Variants in TSPAN9 observed in about 807,000 individuals in gnomAD.
The protein encoded by TSPAN9 is tetraspanin-9.
TSPAN9 carries 16 observed loss-of-function variants against 31.0 expected under a neutral mutation model. The observed-to-expected ratio is 0.52, with a 90% confidence interval of 0.35 to 0.78. The LOEUF (loss-of-function observed/expected upper bound fraction) is 0.78. Ranked by LOEUF, TSPAN9 falls within the 30% of genes least tolerant of loss-of-function variation. TSPAN9 has a pLI of 0.01. For missense variants in TSPAN9, 272 were observed against 312.5 expected (o/e 0.87, Z 0.98); for synonymous variants, 145 against 121.6 (o/e 1.19, Z -1.27).
At chr12:3,164,473 A>G (rs988722665) in intron 2 of TSPAN9, among the ~76,000 whole-genome samples, 3 of 152,148 alleles carry the variant, frequency 2.0e-5, no homozygotes, top group Middle Eastern at 6.8e-3. Context: ...CTTCCAGCTC[A>G]CTCTGGTCTT....
At chr12:3,207,448 G>T (rs551233834) in intron 3 of TSPAN9, among the ~76,000 whole-genome samples, 1 of 152,202 alleles carries the variant, frequency 6.6e-6, no homozygotes, top group African/African-American at 2.4e-5. Context: ...TAGAAGTGGT[G>T]GGGGGTTGGG....
At chr12:3,152,143 A>G (rs1466189421) in intron 2 of TSPAN9, among the ~76,000 whole-genome samples, 2 of 152,172 alleles carry the variant, frequency 1.3e-5, no homozygotes, top group African/African-American at 4.8e-5. Flanking sequence ...CCAGCTTGGA[A>G]GGAGGTAAGG....
chr12:3,084,565 C>T (rs1453033326), intron 2 of TSPAN9, among the ~76,000 whole-genome samples: 1 of 152,130 alleles, frequency 6.6e-6, no homozygotes, highest in African/African-American at 2.4e-5. Flanking sequence ...CCAGGAACCT[C>T]TTATTGTCCT....
chr12:3,113,175 A>G (rs969389293), intron 2 of TSPAN9, among the ~76,000 whole-genome samples: 2 of 152,232 alleles, frequency 1.3e-5, no homozygotes, highest in Non-Finnish European at 2.9e-5. Context: ...CATCAAGGGA[A>G]TACATGTCTG....
rs918370283 is a variant in TSPAN9 at position 3,086,331 on chromosome 12, T to A, written c.-18+2612T>A. Among the ~76,000 whole-genome samples, 17 of 4,128 alleles carry A rather than the reference T, an allele frequency of 4.1e-3. No homozygotes were observed. In the South Asian group the frequency reaches 0.46, roughly 112 times the overall value. The allele number at this position is 4,128 out of a possible 152,430, so 2.7% of individuals were successfully genotyped here. A position where few individuals can be genotyped will look rare whatever the true frequency, so the allele number is the denominator to read the frequency against. ...CGATACTTTGGAGCCAAATGTAGAT[T>A]TTTTTTTTTTTTTGGCCTATTGTTT... is the stretch of plus-strand genomic sequence containing the variant. On this transcript the variant is annotated intron_variant, in intron 2 of 8. Coordinates refer to ENST00000011898, the MANE Select transcript of TSPAN9 (RefSeq NM_006675.5).
chr12:3,255,199 C>CT (rs1322922134), intron 3 of TSPAN9, among the ~76,000 whole-genome samples: 3 of 152,260 alleles, frequency 2.0e-5, no homozygotes, highest in East Asian at 3.8e-4. Context: ...CGGCCTGACT[C>CT]TGTCTGTCCC....
intron 3 of TSPAN9, among the ~76,000 whole-genome samples, chr12:3,209,848 A>G (rs1185493772): frequency 1.3e-5 from 2 of 150,728 alleles, no homozygotes; most frequent in Non-Finnish European, 2.9e-5. Flanking sequence ...AGTCCCAGCT[A>G]CTCGGGAGGC....
At chr12:3,223,355 C>T (rs1208508936) in intron 3 of TSPAN9, among the ~76,000 whole-genome samples, 1 of 152,154 alleles carries the variant, frequency 6.6e-6, no homozygotes, top group South Asian at 2.1e-4. Flanking sequence ...GGGCAGAGAT[C>T]GTCACGAATG....
At chr12:3,211,038 G>A (rs1056877221) in intron 3 of TSPAN9, among the ~76,000 whole-genome samples, 6 of 152,124 alleles carry the variant, frequency 3.9e-5, no homozygotes, top group South Asian at 2.1e-4. Flanking sequence ...GAGCCACGGC[G>A]CCCTGCTTCA....
At position 3,192,118 on chromosome 12, in the gene TSPAN9, CG is replaced by C. The variant is rs927363085; in HGVS notation, c.-17-9054del. ...TAATGGGTGAGCAGAGAATGTTGGACGGGGGCTGGAGAGAAAGGCAGGGATC... is the reference window on the plus strand; with the variant it reads ...TAATGGGTGAGCAGAGAATGTTGGACGGGGCTGGAGAGAAAGGCAGGGATC... On this transcript the variant is annotated intron_variant, in intron 2 of 8. Transcript: ENST00000011898. This position sits in a 1 kb window ranked among gnomAD's most constrained non-coding sequence, Gnocchi z 4.6. Among the ~76,000 whole-genome samples the C allele has an allele frequency of 5.3e-5, 8 of 151,884 alleles. No homozygotes were observed. The highest frequency in any genetic ancestry group is 2.6e-4 in the Admixed American group (4 of 15,250).
chr12:3,083,629 A>G (rs950333621), intron 1 of TSPAN9, 24 bp from the exon 2 acceptor site: 2 of 152,160 alleles, frequency 1.3e-5, no homozygotes, highest in Non-Finnish European at 2.9e-5. Context: ...CAAAGTGATG[A>G]CCTAATTTTT....
In TSPAN9 at chr12:3,090,536, A is replaced by G. The variant is rs1241838699; in HGVS notation, c.-18+6817A>G. On this transcript the variant is annotated intron_variant, in intron 2 of 8. Coordinates refer to ENST00000011898, the MANE Select transcript of TSPAN9 (RefSeq NM_006675.5). ...AAGGAAACTAGCCTTTCAGGTGAAA[A>G]CAGTCTACAAGACCTCTTAATATCT... is the stretch of plus-strand genomic sequence containing the variant. Among the ~76,000 whole-genome samples the G allele has an allele frequency of 3.3e-5, 5 of 152,236 alleles. No homozygotes were observed. The East Asian group carries it at 9.6e-4, about 29-fold the overall frequency.
chr12:3,258,459 G>T (rs867708022), intron 3 of TSPAN9, among the ~76,000 whole-genome samples: 2 of 152,216 alleles, frequency 1.3e-5, no homozygotes, highest in African/African-American at 2.4e-5. Flanking sequence ...GGAGACCTCA[G>T]TGAATGTCTC....
rs2098323418 is a variant in TSPAN9 at position 3,118,258 on chromosome 12, T to TTTTTTTTTTTTTTG, written c.-18+34552_-18+34553insGTTTTTTTTTTTTT. ...TCCGCACCGCCCCTGCACCCGCCGT[T>TTTTTTTTTTTTTTG]TTTTTTTTTTTTTTTTTTTTTTGAG... On this transcript the variant is annotated intron_variant, in intron 2 of 8. Coordinates refer to ENST00000011898, the MANE Select transcript of TSPAN9 (RefSeq NM_006675.5). 2.3e-4 allele frequency among the ~76,000 whole-genome samples: 12 copies of TTTTTTTTTTTTTTG among 52,998 alleles called. 2 individuals carry two copies. The highest frequency in any genetic ancestry group is 3.8e-4 in the Non-Finnish European group (11 of 29,308). 34.8% of individuals were successfully genotyped at this position (52,998 alleles called of 152,430 possible).
intron 2 of TSPAN9, among the ~76,000 whole-genome samples, chr12:3,185,283 C>T (rs1408204481): frequency 4.6e-5 from 7 of 152,272 alleles, no homozygotes; most frequent in African/African-American, 7.2e-5. Flanking sequence ...TTTCTTTGGC[C>T]TGTGCTTTTG....
At chr12:3,224,222 G>A (rs1012217075) in intron 3 of TSPAN9, among the ~76,000 whole-genome samples, 3 of 152,196 alleles carry the variant, frequency 2.0e-5, no homozygotes, top group African/African-American at 7.2e-5. Context: ...TCTCTGTGTA[G>A]TAGGTGTCAG....
intron 3 of TSPAN9, among the ~76,000 whole-genome samples, chr12:3,272,278 G>C: frequency 6.6e-6 from 1 of 152,148 alleles, no homozygotes; most frequent in East Asian, 1.9e-4. Flanking sequence ...TGGGGAAGAC[G>C]GGGTGAAGAG....
At chr12:3,154,841 T>C (rs904737735) in intron 2 of TSPAN9, among the ~76,000 whole-genome samples, 22 of 152,372 alleles carry the variant, frequency 1.4e-4, no homozygotes, top group African/African-American at 5.3e-4. Context: ...ACTGCCTGCA[T>C]GCCCAGTCAT....
At chr12:3,089,457 T>C (rs999417069) in intron 2 of TSPAN9, among the ~76,000 whole-genome samples, 49 of 151,212 alleles carry the variant, frequency 3.2e-4, no homozygotes, top group Middle Eastern at 3.4e-3. Context: ...CCACCACGCC[T>C]GGCTAATTTT....
Sources: gnomAD v4.1 joint callset for allele counts (sites outside exome capture counted in the v4.1 genomes callset) on GRCh38, gnomAD v4.1.1 for gene constraint, Gnocchi (gnomAD v3.1) non-coding constraint, MANE v1.5 for transcripts, NCBI Gene and HGNC (gene_info 2026-07-23, HGNC 2026-07-21) for gene names.